Variants in ETV6 observed in about 807,000 individuals in gnomAD.
ETV6 encodes the protein ETS variant transcription factor 6.
ETV6 carries 16 observed loss-of-function variants against 51.1 expected under a neutral mutation model. The observed-to-expected ratio is 0.31, with a 90% CI of 0.21 to 0.48. The LOEUF (loss-of-function observed/expected upper bound fraction) is 0.48, where lower values mean the gene tolerates loss of function less well. ETV6 is among the 20% of genes least tolerant of loss of function. ETV6 has a pLI of 0.99. For missense variants in ETV6, 458 were observed against 594.8 expected, an observed-to-expected ratio of 0.77 and a Z score of 2.39; for synonymous variants, 240 against 224.1, an observed-to-expected ratio of 1.07 and a Z score of -0.64.
chr12:11,756,662 A>G (rs1490294120), intron 2 of ETV6, among the ~76,000 whole-genome samples: 1 of 152,124 alleles, frequency 6.6e-6, no homozygotes, highest in African/African-American at 2.4e-5. Flanking sequence ...GTAGTCTCGC[A>G]AGGGAGGGAT....
chr12:11,866,627 C>G (rs748494283), intron 4 of ETV6, among the ~76,000 whole-genome samples: 1 of 152,230 alleles, frequency 6.6e-6, no homozygotes, highest in Non-Finnish European at 1.5e-5. Context: ...GGTTTTTACT[C>G]CTACATTGTG....
chr12:11,712,832 C>T (rs1865198832), intron 1 of ETV6, among the ~76,000 whole-genome samples: 1 of 152,242 alleles, frequency 6.6e-6, no homozygotes, highest in Admixed American at 6.5e-5. Flanking sequence ...CACCTGAAAT[C>T]AACCATCCCC....
At position 11,892,815 on chromosome 12, in the gene ETV6, C is replaced by A; in HGVS notation, c.*1769C>A. ...CAGGCAAGAGGAATTTTCCCTCGGC[C>A]TTACTGACAAGGACACCAACCTAGG... On this transcript the variant is annotated 3_prime_UTR_variant, in exon 8 of 8. Transcript: ENST00000396373. The A allele has an allele frequency of 4.3e-6, 1 of 233,058 alleles. No homozygotes were observed. The highest frequency in any genetic ancestry group is 2.2e-5 in the African/African-American group (1 of 45,452). 14.4% of individuals were successfully genotyped at this position (233,058 alleles called of 1,614,324 possible).
intron 2 of ETV6, among the ~76,000 whole-genome samples, 163 bp from the exon 3 acceptor site, chr12:11,838,977 G>A (rs937792389): frequency 1.3e-5 from 2 of 152,230 alleles, no homozygotes; most frequent in African/African-American, 2.4e-5. Flanking sequence ...CCAGTGGGGC[G>A]GCTCAAACAA....
intron 1 of ETV6, among the ~76,000 whole-genome samples, chr12:11,684,152 A>T (rs925648363): frequency 2.2e-4 from 34 of 152,240 alleles, no homozygotes; most frequent in Admixed American, 2.2e-3. Context: ...AATTTTACTT[A>T]AGATGAATGT....
In ETV6 at chr12:11,752,447, C is replaced by T. The variant is rs1484975103; in HGVS notation, c.34-3C>T. ...CCCCTCTTCCTGCCCTTATTTTTAA[C>T]AGCAGGAACGAATTTCATATACACC... On this transcript the variant is annotated splice_polypyrimidine_tract_variant and splice_region_variant and intron_variant, in intron 1 of 7. Coordinates refer to ENST00000396373, the MANE Select transcript of ETV6 (RefSeq NM_001987.5). 1 of 1,608,694 alleles carries T rather than the reference C, an allele frequency of 6.2e-7. No individual in the cohort carries two copies. The highest frequency in any genetic ancestry group is 1.1e-5 in the South Asian group (1 of 90,742).
chr12:11,650,272 A>T, intron 1 of ETV6, 112 bp downstream of exon 1: 1 of 964,240 alleles, frequency 1.0e-6, no homozygotes, highest in Non-Finnish European at 1.7e-6. Flanking sequence ...GTTCGCAGGA[A>T]ATTATTTGGG....
chr12:11,883,329 TG>T (rs1169103140), intron 5 of ETV6, among the ~76,000 whole-genome samples: 3 of 138,444 alleles, frequency 2.2e-5, no homozygotes, highest in Admixed American at 1.5e-4. Flanking sequence ...AGTCTCACTT[TG>T]TCACCGAGGC....
At chr12:11,759,197 G>T (rs1945047055) in intron 2 of ETV6, among the ~76,000 whole-genome samples, 1 of 151,636 alleles carries the variant, frequency 6.6e-6, no homozygotes, top group South Asian at 2.1e-4. Context: ...ATAACCAGAG[G>T]TTTACTGACC....
At chr12:11,837,725 A>G (rs17300337) in intron 2 of ETV6, among the ~76,000 whole-genome samples, 425 of 152,352 alleles carry the variant, frequency 2.8e-3, no homozygotes, top group Admixed American at 6.1e-3. Flanking sequence ...TCCTCTTAGC[A>G]ACACTGATGC....
intron 2 of ETV6, among the ~76,000 whole-genome samples, chr12:11,816,493 G>A (rs1349195978): frequency 2.6e-5 from 4 of 152,082 alleles, no homozygotes; most frequent in Non-Finnish European, 2.9e-5. Context: ...TGATCCACCC[G>A]CCTCGGCCTC....
intron 2 of ETV6, among the ~76,000 whole-genome samples, chr12:11,755,511 A>G (rs1331545310): frequency 1.3e-5 from 2 of 152,112 alleles, no homozygotes; most frequent in African/African-American, 4.8e-5. Flanking sequence ...GACTTTCCAA[A>G]TGAGGCTGAG....
At chr12:11,754,214 C>T (rs1778968687) in intron 2 of ETV6, among the ~76,000 whole-genome samples, 1 of 152,168 alleles carries the variant, frequency 6.6e-6, no homozygotes. Context: ...TATTGATTGC[C>T]TCTGCTGTGC....
intron 1 of ETV6, among the ~76,000 whole-genome samples, chr12:11,656,847 C>T (rs1351765319): frequency 6.6e-6 from 1 of 151,508 alleles, no homozygotes; most frequent in African/African-American, 2.4e-5. Flanking sequence ...CCTTTTAAAG[C>T]TTTTCACACA....
Position 11,892,210 on chromosome 12 carries a change from A to ATTTTTTTTTTTTTTTTTTTT in ETV6, c.*1168_*1187dup, listed in dbSNP as rs35812814. 1.4e-4 allele frequency: 22 copies of ATTTTTTTTTTTTTTTTTTTT among 153,572 alleles called. 2 individuals carry two copies. The highest frequency in any genetic ancestry group is 7.8e-4 in the African/African-American group (19 of 24,392). The allele number at this position is 153,572 out of a possible 1,614,324, so 9.5% of individuals were successfully genotyped here. A position where few individuals can be genotyped will look rare whatever the true frequency, so the allele number is the denominator to read the frequency against. On this transcript the variant is annotated 3_prime_UTR_variant, in exon 8 of 8. Coordinates refer to ENST00000396373, the MANE Select transcript of ETV6 (RefSeq NM_001987.5). ...GTGGTCAGTTTCATGCCCTCACCTGATTTTTTTTTTTTTTTTTTTTTTTCA... is the reference window on the plus strand; with the variant it reads ...GTGGTCAGTTTCATGCCCTCACCTGATTTTTTTTTTTTTTTTTTTTTTTTTTTTTTTTTTTTTTTTTTTCA...
chr12:11,784,862 ATTTTTTTTT>A (rs34004409), intron 2 of ETV6, among the ~76,000 whole-genome samples: 12 of 85,758 alleles, frequency 1.4e-4, no homozygotes, highest in Middle Eastern at 0.012. Flanking sequence ...TGCCTTGCTA[ATTTTTTTTT>A]TTTTTTTTTT....
chr12:11,785,442 T>C lies in ETV6; in HGVS notation c.163+32863T>C, dbSNP rs1945472132. On this transcript the variant is annotated intron_variant, in intron 2 of 7. Coordinates refer to ENST00000396373, the MANE Select transcript of ETV6 (RefSeq NM_001987.5). ...TGTATATTTTACTTGTTTATTTACT[T>C]AGTGCCTGATTTCCTGACTAGGATG... 1.3e-5 allele frequency among the ~76,000 whole-genome samples: 2 copies of C among 152,218 alleles called. 1 individual carries two copies. The highest frequency in any genetic ancestry group is 4.1e-4 in the South Asian group (2 of 4,828).
At chr12:11,792,188 C>T (rs1424348722) in intron 2 of ETV6, among the ~76,000 whole-genome samples, 4 of 152,178 alleles carry the variant, frequency 2.6e-5, no homozygotes, top group Non-Finnish European at 5.9e-5. Flanking sequence ...CAGTATGTTG[C>T]CCCCTTTCTT....
chr12:11,669,810 A>G (rs143244519), intron 1 of ETV6, among the ~76,000 whole-genome samples: 4 of 152,312 alleles, frequency 2.6e-5, no homozygotes, highest in African/African-American at 9.6e-5. Context: ...CGTATTCCCA[A>G]AATAGAAACC....
Sources: gnomAD v4.1 joint callset for allele counts (sites outside exome capture counted in the v4.1 genomes callset) on GRCh38, gnomAD v4.1.1 for gene constraint, MANE v1.5 for transcripts, NCBI Gene and HGNC (gene_info 2026-07-23, HGNC 2026-07-21) for gene names.